The following ATP10A variants were observed in gnomAD, a reference collection of about 807,000 sequenced individuals.
ATP10A encodes the protein phospholipid-transporting ATPase VA.
A neutral mutation model predicts 147.8 loss-of-function variants in ATP10A; 111 were observed. That is an observed-to-expected ratio of 0.75 (90% CI 0.64 to 0.88). The LOEUF is 0.88. Among genes scored for constraint, ATP10A ranks in the 40% least tolerant of loss-of-function variants. The pLI is 0.00. For synonymous variants in ATP10A, 875 were observed against 841.6 expected (o/e 1.04, Z -0.69); for missense variants, 1,927 against 1,959.0 (o/e 0.98, Z 0.31).
chr15:25,800,754 T>C (rs931124058), intron 1 of ATP10A, among the ~76,000 whole-genome samples: 1 of 152,222 alleles, frequency 6.6e-6, no homozygotes, highest in Non-Finnish European at 1.5e-5. Flanking sequence ...CCCTGAGGCT[T>C]CCCACCTACC....
chr15:25,864,517 C>A (rs1893908958), upstream of ATP10A, among the ~76,000 whole-genome samples: 1 of 152,148 alleles, frequency 6.6e-6, no homozygotes, highest in Non-Finnish European at 1.5e-5. Context: ...CCTGGCTTAC[C>A]CGGCTCCAGT....
chr15:25,771,052 C>T (rs117752515), intron 2 of ATP10A, among the ~76,000 whole-genome samples: 118 of 152,216 alleles, frequency 7.8e-4, no homozygotes, highest in African/African-American at 2.7e-3. Context: ...TGTTTATAAG[C>T]GGTAGTGGTT....
chr15:25,725,864 C>A, intron 5 of ATP10A, 87 bp downstream of exon 5: 1 of 1,436,642 alleles, frequency 7.0e-7, no homozygotes, highest in African/African-American at 1.4e-5. Flanking sequence ...GTGATCTGCC[C>A]GCCTCGGCCT....
chr15:25,788,649 T>C (rs1303676170), intron 1 of ATP10A, among the ~76,000 whole-genome samples: 1 of 152,224 alleles, frequency 6.6e-6, no homozygotes, highest in Admixed American at 6.5e-5. Flanking sequence ...GAGCAGCGTG[T>C]TATATCTTGT....
downstream of ATP10A, among the ~76,000 whole-genome samples, chr15:25,673,302 C>A (rs987230559): frequency 1.3e-5 from 2 of 152,190 alleles, no homozygotes; most frequent in African/African-American, 2.4e-5. Context: ...GTCATGGACA[C>A]TCCTTGGCAG....
intron 2 of ATP10A, among the ~76,000 whole-genome samples, chr15:25,743,149 G>A (rs960071900): frequency 3.3e-5 from 5 of 152,180 alleles, no homozygotes; most frequent in African/African-American, 1.2e-4. Context: ...AGGGCCATTG[G>A]TAGCCACATA....
At chr15:25,782,240 C>A (rs1460728303) in intron 1 of ATP10A, among the ~76,000 whole-genome samples, 5 of 152,128 alleles carry the variant, frequency 3.3e-5, no homozygotes. Context: ...GTGGATTAGG[C>A]ACCATCAGTG....
In ATP10A at chr15:25,813,038, G is replaced by A. The variant is rs367589454; in HGVS notation, c.450-31815C>T. On this transcript the variant is annotated intron_variant, in intron 1 of 20. Transcript: ENST00000555815. ...GCAGGCGCCCTGAATGGAGCCCCAC[G>A]GAGACACGGGCAGATGAAGTTTGTA... Among the ~76,000 whole-genome samples, 24 of 152,286 alleles carry A rather than the reference G, an allele frequency of 1.6e-4. No individual in the cohort carries two copies. In the East Asian group the frequency reaches 3.7e-3, roughly 23 times the overall value.
Position 25,687,009 on chromosome 15 carries a change from T to C in ATP10A, c.3291+694A>G, listed in dbSNP as rs1379311408. ...AATGAGCTCATCCGAGAGGGGTGTG[T>C]CTGCTCTGCAAGCCTGGGAGGTGGG... On this transcript the variant is annotated intron_variant, in intron 16 of 20. Transcript: ENST00000555815. Among the ~76,000 whole-genome samples the C allele has an allele frequency of 7.4e-5, 8 of 107,786 alleles. 3 individuals are homozygous for C. The highest frequency in any genetic ancestry group is 3.2e-4 in the African/African-American group (5 of 15,518). 70.7% of individuals were successfully genotyped at this position (107,786 alleles called of 152,430 possible). A position where few individuals can be genotyped will look rare whatever the true frequency, so the allele number is the denominator to read the frequency against.
At chr15:25,748,844 C>T (rs888955805) in intron 2 of ATP10A, among the ~76,000 whole-genome samples, 6 of 150,980 alleles carry the variant, frequency 4.0e-5, no homozygotes, top group African/African-American at 1.5e-4. Flanking sequence ...TATCTGAGGT[C>T]AGGAGTTCAA....
rs531183316 is a variant in ATP10A, at chr15:25,725,930, C to T, written c.979+21G>A. 1.7e-5 allele frequency: 27 copies of T among 1,597,116 alleles called. No homozygotes were observed. In the East Asian group the frequency reaches 4.0e-4, roughly 24 times the overall value. ...ACTGCGCCTGGCCCCCACTCATTTC[C>T]GATCCATCTAGGAGACTTACCGACT... On this transcript the variant is annotated intron_variant, in intron 5 of 20. Transcript: ENST00000555815.
At chr15:25,841,194 T>C (rs976155143) in intron 1 of ATP10A, among the ~76,000 whole-genome samples, 1 of 152,198 alleles carries the variant, frequency 6.6e-6, no homozygotes, top group Non-Finnish European at 1.5e-5. Flanking sequence ...ATGTTTTATG[T>C]TTTCTTTTAG....
At chr15:25,730,368 A>T (rs965286583) in intron 3 of ATP10A, among the ~76,000 whole-genome samples, 5 of 149,780 alleles carry the variant, frequency 3.3e-5, no homozygotes, top group Non-Finnish European at 5.9e-5. Flanking sequence ...AAGGACAGGG[A>T]GTTTATTCCC....
At chr15:25,792,675 C>T (rs1019046467) in intron 1 of ATP10A, among the ~76,000 whole-genome samples, 4 of 152,076 alleles carry the variant, frequency 2.6e-5, no homozygotes, top group African/African-American at 4.8e-5. Flanking sequence ...TCTTAGAGCA[C>T]GAAGCACGCA....
intron 2 of ATP10A, among the ~76,000 whole-genome samples, chr15:25,776,628 ATC>A (rs1408080678): frequency 1.3e-5 from 2 of 151,950 alleles, no homozygotes; most frequent in East Asian, 3.9e-4. Flanking sequence ...ACGTCTCAAG[ATC>A]TCTGTTTCTT....
At chr15:25,838,335 G>T (rs1892675462) in intron 1 of ATP10A, among the ~76,000 whole-genome samples, 1 of 152,150 alleles carries the variant, frequency 6.6e-6, no homozygotes, top group Admixed American at 6.5e-5. Context: ...GGCACGCTAG[G>T]TGTCTGCCCA....
At chr15:25,700,693 A>G (rs1050994182) in intron 13 of ATP10A, among the ~76,000 whole-genome samples, 1 of 152,134 alleles carries the variant, frequency 6.6e-6, no homozygotes, top group African/African-American at 2.4e-5. Flanking sequence ...TTACAATTGC[A>G]CGGGGGTAGC....
chr15:25,771,418 A>C (rs182484686), intron 2 of ATP10A, among the ~76,000 whole-genome samples: 6 of 152,274 alleles, frequency 3.9e-5, no homozygotes, highest in Admixed American at 3.3e-4. Context: ...ATAAAAAATA[A>C]AAAGAAAAAC....
chr15:25,863,912 T>C (rs960116464), upstream of ATP10A, among the ~76,000 whole-genome samples: 3 of 152,220 alleles, frequency 2.0e-5, no homozygotes, highest in African/African-American at 7.2e-5. Context: ...TTACTGCCTT[T>C]CCTTCCTCTC....
Sources: gnomAD v4.1 joint callset for allele counts (sites outside exome capture counted in the v4.1 genomes callset) on GRCh38, gnomAD v4.1.1 for gene constraint, MANE v1.5 for transcripts, NCBI Gene and HGNC (gene_info 2026-07-23, HGNC 2026-07-21) for gene names.